The following ERC1 variants were observed in gnomAD, a reference collection of about 807,000 sequenced individuals.
The protein encoded by ERC1 is RAB6 interacting protein 2.
ERC1 carries 56 observed loss-of-function variants against 132.0 expected under a neutral mutation model. That is an observed-to-expected ratio of 0.42 (90% confidence interval 0.34 to 0.53). The LOEUF (loss-of-function observed/expected upper bound fraction) is 0.53. Ranked by LOEUF, ERC1 falls within the 20% of genes least tolerant of loss-of-function variation. The pLI is 0.03. For synonymous variants in ERC1, 478 were observed against 476.1 expected (o/e 1.00, Z -0.05); for missense variants, 1,202 against 1,349.9 (o/e 0.89, Z 1.72).
intron 7 of ERC1, among the ~76,000 whole-genome samples, chr12:1,124,205 T>C (rs1235218450): frequency 1.3e-5 from 2 of 152,154 alleles, no homozygotes; most frequent in East Asian, 3.8e-4. Flanking sequence ...TACTGAACAG[T>C]CGTAAAAACT....
At chr12:1,044,440 A>C (rs1970764989) in intron 2 of ERC1, among the ~76,000 whole-genome samples, 1 of 152,156 alleles carries the variant, frequency 6.6e-6, no homozygotes, top group African/African-American at 2.4e-5. Context: ...ATGGGAGAAA[A>C]TCAGTGTTTA....
chr12:1,014,955 G>A (rs1034017626), intron 1 of ERC1, among the ~76,000 whole-genome samples: 5 of 151,538 alleles, frequency 3.3e-5, no homozygotes, highest in African/African-American at 1.2e-4. Flanking sequence ...GTAGAGATGG[G>A]GTTTCACCAT....
At chr12:1,458,292 C>G (rs2093579922) in intron 18 of ERC1, among the ~76,000 whole-genome samples, 1 of 152,106 alleles carries the variant, frequency 6.6e-6, no homozygotes, top group Non-Finnish European at 1.5e-5. Context: ...ACCAGGAGAT[C>G]AAGCAAATGA....
At chr12:1,115,249 G>C (rs1776378476) in intron 6 of ERC1, among the ~76,000 whole-genome samples, 1 of 152,124 alleles carries the variant, frequency 6.6e-6, no homozygotes, top group East Asian at 1.9e-4. Context: ...AATGTTAAGA[G>C]AGAAATTAAT....
In ERC1 at chr12:1,402,508, G is replaced by A. The variant is rs533043709; in HGVS notation, c.2926-5641G>A. ...ACTGCACTCCAGCCTGGGTGACAGA[G>A]AGAGAGACTGTCTCAAAAAAAAGAA... On this transcript the variant is annotated intron_variant, in intron 16 of 18. Transcript: ENST00000360905. 3.1e-4 allele frequency among the ~76,000 whole-genome samples: 47 copies of A among 151,894 alleles called. 1 individual carries two copies. The highest frequency in any genetic ancestry group is 5.7e-4 in the Non-Finnish European group (39 of 68,008).
At chr12:1,080,903 C>T (rs1047774402) in intron 2 of ERC1, among the ~76,000 whole-genome samples, 9 of 150,956 alleles carry the variant, frequency 6.0e-5, no homozygotes, top group African/African-American at 2.0e-4. Context: ...AGCGTGAAAA[C>T]GAACTAATAG....
chr12:1,363,503 A>T (rs2086341542), intron 15 of ERC1, among the ~76,000 whole-genome samples: 1 of 149,038 alleles, frequency 6.7e-6, no homozygotes, highest in Non-Finnish European at 1.5e-5. Context: ...CCATATTGGG[A>T]TAACTTCTCT....
At chr12:1,456,360 T>G (rs1274905892) in intron 18 of ERC1, among the ~76,000 whole-genome samples, 2 of 152,206 alleles carry the variant, frequency 1.3e-5, no homozygotes, top group Non-Finnish European at 2.9e-5. Context: ...TTTTGAAGGC[T>G]TAAGTATTTG....
chr12:1,122,121 ATCTGTG>A (rs1371578145), intron 7 of ERC1, among the ~76,000 whole-genome samples: 1 of 79,792 alleles, frequency 1.3e-5, no homozygotes, highest in African/African-American at 7.0e-5. Flanking sequence ...CTCTATCTCT[ATCTGTG>A]TCTCTATCTC....
Position 1,386,079 on chromosome 12 carries a change from G to A in ERC1, c.2925+14102G>A, listed in dbSNP as rs543407095. On this transcript the variant is annotated intron_variant, in intron 16 of 18. Coordinates refer to ENST00000360905, the MANE Select transcript of ERC1 (RefSeq NM_178040.4). ...TTTTGAGACAGAGTCTTGCTCTTTC[G>A]ACCAAGCTGGAGTGCAGTGGCACGA... 9.2e-4 allele frequency: 109 copies of A among 118,452 alleles called. 1 individual carries two copies. The highest frequency in any genetic ancestry group is 3.7e-3 in the East Asian group (15 of 4,030). The allele number at this position is 118,452 out of a possible 1,614,324, so 7.3% of individuals were successfully genotyped here.
At chr12:1,167,152 C>T (rs933662580) in intron 8 of ERC1, among the ~76,000 whole-genome samples, 1 of 152,158 alleles carries the variant, frequency 6.6e-6, no homozygotes, top group Non-Finnish European at 1.5e-5. Context: ...GGTCAGATCC[C>T]TCTTCTGACA....
intron 8 of ERC1, among the ~76,000 whole-genome samples, chr12:1,173,616 TATAGA>T (rs1257355948): frequency 1.3e-5 from 2 of 152,190 alleles, no homozygotes; most frequent in Non-Finnish European, 2.9e-5. Flanking sequence ...CTTGAATTAG[TATAGA>T]ATAGACTCTC....
intron 15 of ERC1, among the ~76,000 whole-genome samples, chr12:1,343,843 A>G (rs962168409): frequency 6.9e-6 from 1 of 145,208 alleles, no homozygotes; most frequent in Non-Finnish European, 1.5e-5. Context: ...TTTCATATGT[A>G]AAAACATTTT....
intron 12 of ERC1, among the ~76,000 whole-genome samples, chr12:1,213,737 CAAAAAA>C (rs574859764): frequency 9.9e-6 from 1 of 100,750 alleles, no homozygotes; most frequent in African/African-American, 3.8e-5. Flanking sequence ...GACTCCATCT[CAAAAAA>C]AAAAAAAAAA....
intron 18 of ERC1, among the ~76,000 whole-genome samples, chr12:1,445,222 A>ATTTTTTTTTTTT (rs137864873): frequency 1.1e-5 from 1 of 90,692 alleles, no homozygotes; most frequent in Non-Finnish European, 2.0e-5. Context: ...TGTACAGTAG[A>ATTTTTTTTTTTT]TTTTTTTTTT....
At chr12:1,196,262 C>T (rs2154280102) in intron 12 of ERC1, among the ~76,000 whole-genome samples, 1 of 152,166 alleles carries the variant, frequency 6.6e-6, no homozygotes, top group South Asian at 2.1e-4. Flanking sequence ...ACCTCATCCC[C>T]CACCCAAATG....
At chr12:1,071,572 A>G (rs1239258118) in intron 2 of ERC1, among the ~76,000 whole-genome samples, 1 of 151,638 alleles carries the variant, frequency 6.6e-6, no homozygotes, top group African/African-American at 2.4e-5. Context: ...ATTGAGTTGT[A>G]GAAGTAGTTT....
chr12:1,490,016 T>G, intron 18 of ERC1, 77 bp from the exon 19 acceptor site: 1 of 1,502,126 alleles, frequency 6.7e-7, no homozygotes, highest in South Asian at 1.2e-5. Flanking sequence ...CTTTGTCATT[T>G]ATTGATGAAA....
Position 1,492,265 on chromosome 12 carries a change from T to C in ERC1, c.*2035T>C. ...GTAAGTGGTGGTCGTTTGTGGTCAG[T>C]TACCTCAATTCTGTTCATTGCAGTG... is the stretch of plus-strand genomic sequence containing the variant. On this transcript the variant is annotated 3_prime_UTR_variant, in exon 19 of 19. Transcript: ENST00000360905. 4.3e-6 allele frequency: 1 copy of C among 233,274 alleles called. No individual in the cohort carries two copies. Among genetic ancestry groups the C allele is most frequent in the East Asian group, 6.0e-5 (1 of 16,586 alleles). The allele number at this position is 233,274 out of a possible 1,614,324, so 14.5% of individuals were successfully genotyped here.
Sources: gnomAD v4.1 joint callset for allele counts (sites outside exome capture counted in the v4.1 genomes callset) on GRCh38, gnomAD v4.1.1 for gene constraint, MANE v1.5 for transcripts, NCBI Gene and HGNC (gene_info 2026-07-23, HGNC 2026-07-21) for gene names.